KCNJ16: variants seen among roughly 807,000 people sequenced by gnomAD.
The protein encoded by KCNJ16 is potassium inwardly rectifying channel subfamily J member 16, also known as inward rectifier potassium channel 16.
A neutral mutation model predicts 18.5 loss-of-function variants in KCNJ16; 15 were observed. The observed-to-expected ratio is 0.81, with a 90% CI of 0.54 to 1.25. The LOEUF (loss-of-function observed/expected upper bound fraction) is 1.25, where lower values mean the gene tolerates loss of function less well. Ranked by LOEUF, KCNJ16 falls within the 50% of genes most tolerant of loss-of-function variation. KCNJ16 has a pLI of 0.00. For missense variants in KCNJ16, 523 were observed against 525.7 expected, an observed-to-expected ratio of 0.99 and a Z score of 0.05; for synonymous variants, 174 against 186.5, an observed-to-expected ratio of 0.93 and a Z score of 0.55.
intron 2 of KCNJ16, among the ~76,000 whole-genome samples, chr17:70,111,665 A>G (rs1598148559): frequency 6.6e-6 from 1 of 152,094 alleles, no homozygotes; most frequent in African/African-American, 2.4e-5. Flanking sequence ...TGTAGCTCCC[A>G]TAATTCCCAT....
At position 70,130,969 on chromosome 17, in the gene KCNJ16, A is replaced by C. The variant is rs558401941; in HGVS notation, c.-100A>C. The C allele has an allele frequency of 6.5e-7, 1 of 1,535,414 alleles. No individual in the cohort carries two copies. Among genetic ancestry groups the C allele is most frequent in the Non-Finnish European group, 8.7e-7 (1 of 1,146,304 alleles). ...TTTGGCCTATTATACCATGGATGCT[A>C]AAAATGGTAAGAGCTGCATGTTCTG... On this transcript the variant is annotated 5_prime_UTR_variant, in exon 3 of 4. Transcript: ENST00000392671.
At chr17:70,126,042 T>G (rs2073844180) in intron 2 of KCNJ16, among the ~76,000 whole-genome samples, 1 of 152,016 alleles carries the variant, frequency 6.6e-6, no homozygotes, top group African/African-American at 2.4e-5. Flanking sequence ...CCACCTTGGG[T>G]GCAATGCTTT....
Position 70,118,682 on chromosome 17 carries a change from G to A in KCNJ16, c.-190-12197G>A, listed in dbSNP as rs372531754. ...ATAAAAACTCACAATCGTAAAGACA[G>A]CACCAAGCCATGAGAGATGCGCCCC... On this transcript the variant is annotated intron_variant, in intron 2 of 3. Coordinates refer to ENST00000392671, the MANE Select transcript of KCNJ16 (RefSeq NM_170741.4). 2.0e-5 allele frequency among the ~76,000 whole-genome samples: 3 copies of A among 152,138 alleles called. No individual in the cohort carries two copies. The East Asian group carries it at 5.8e-4, about 30-fold the overall frequency.
At chr17:70,128,545 T>C (rs969337409) in intron 2 of KCNJ16, 1 of 152,194 alleles carries the variant, frequency 6.6e-6, no homozygotes. Context: ...CTCTCTTCTC[T>C]AGCCTCATCT....
chr17:70,123,889 T>C (rs995107931), intron 2 of KCNJ16, among the ~76,000 whole-genome samples: 1 of 152,168 alleles, frequency 6.6e-6, no homozygotes, highest in Non-Finnish European at 1.5e-5. Context: ...ATAAATGAGT[T>C]GAAAGGCTGT....
At chr17:70,107,646 G>A (rs2143949406) in intron 2 of KCNJ16, among the ~76,000 whole-genome samples, 1 of 152,016 alleles carries the variant, frequency 6.6e-6, no homozygotes, top group Non-Finnish European at 1.5e-5. Flanking sequence ...GGGTCAGGAT[G>A]ATCTGTCCTG....
chr17:70,090,735 G>A (rs1245260819), intron 1 of KCNJ16, among the ~76,000 whole-genome samples: 2 of 136,330 alleles, frequency 1.5e-5, no homozygotes, highest in Non-Finnish European at 3.2e-5. Flanking sequence ...CTCACAATAT[G>A]GCTAACCCAC....
At chr17:70,091,907 G>C (rs6501366) in intron 1 of KCNJ16, among the ~76,000 whole-genome samples, 128,746 of 152,094 alleles carry the variant, frequency 0.85, 54,552 homozygotes, top group East Asian at 0.96. Context: ...CATGTCCTGT[G>C]ACAGCTTGGG....
chr17:70,092,609 AGAT>A (rs1268644802), intron 1 of KCNJ16, among the ~76,000 whole-genome samples: 4 of 150,334 alleles, frequency 2.7e-5, no homozygotes, highest in South Asian at 2.1e-4. Flanking sequence ...ATAGATAGAT[AGAT>A]GAGATTCATA....
At chr17:70,092,364 T>C (rs8077474) in intron 1 of KCNJ16, among the ~76,000 whole-genome samples, 126,789 of 152,042 alleles carry the variant, frequency 0.83, 53,025 homozygotes, top group East Asian at 0.95. Context: ...AACCTAAGAA[T>C]AGCATTTCTG....
intron 1 of KCNJ16, among the ~76,000 whole-genome samples, chr17:70,086,165 A>G (rs1446234452): frequency 6.6e-6 from 1 of 152,216 alleles, no homozygotes; most frequent in Non-Finnish European, 1.5e-5. Flanking sequence ...TGTTAGAAAT[A>G]CTGCTCTTGA....
intron 2 of KCNJ16, chr17:70,104,848 G>A (rs370048777): frequency 9.2e-5 from 14 of 152,762 alleles, no homozygotes; most frequent in African/African-American, 2.9e-4. Context: ...TCACTAGAGC[G>A]AAGCTGAGAA....
In KCNJ16 at chr17:70,132,635, G is replaced by A. The variant is rs772746245; in HGVS notation, c.548G>A (p.Arg183His). Residue 183 changes from arginine (R) to histidine (H), a missense_variant, in exon 4 of 4, where the codon CGT (arginine) becomes CAT (histidine). By Grantham distance (29) the Arg-to-His change is conservative. Coordinates refer to ENST00000392671, the MANE Select transcript of KCNJ16 (RefSeq NM_170741.4). ...ATARKRAQTI[R>H]FSYFALIGMR... Reference sequence around the variant, plus strand: ...GCTCGAAAGAGAGCCCAAACCATTCGTTTCAGCTACTTTGCACTTATAGGT... The same window carrying A: ...GCTCGAAAGAGAGCCCAAACCATTCATTTCAGCTACTTTGCACTTATAGGT... The A allele has an allele frequency of 5.6e-6, 9 of 1,614,164 alleles. No homozygotes were observed. In the East Asian group the frequency reaches 8.9e-5, roughly 16 times the overall value.
Position 70,132,738 on chromosome 17 carries a change from A to G in KCNJ16, c.651A>G (p.Arg217=), listed in dbSNP as rs1327884281. 6.2e-7 allele frequency: 1 copy of G among 1,614,090 alleles called. No homozygotes were observed. The change falls in exon 4 of 4, where the codon AGA becomes AGG. Residue 217 remains arginine (R), a synonymous_variant. Coordinates refer to ENST00000392671, the MANE Select transcript of KCNJ16 (RefSeq NM_170741.4). The stretch of plus-strand genomic sequence containing the variant: ...ACCACGTGGTAGAAGGAACAGTTAG[A>G]GCCCAACTTCTCCGCTATACAGAAG... ...RPNHVVEGTV[R]AQLLRYTEDS...
chr17:70,104,422 T>C (rs1253379481), intron 2 of KCNJ16, among the ~76,000 whole-genome samples: 1 of 152,218 alleles, frequency 6.6e-6, no homozygotes, highest in East Asian at 1.9e-4. Flanking sequence ...TCTGGGGGCA[T>C]ACGCTTCCTT....
At chr17:70,098,551 C>A (rs917908090) in intron 1 of KCNJ16, among the ~76,000 whole-genome samples, 10 of 150,316 alleles carry the variant, frequency 6.7e-5, no homozygotes, top group African/African-American at 2.2e-4. Context: ...AAAAAAAAAA[C>A]CTTTATGGCC....
At chr17:70,112,621 T>C (rs1404978915) in intron 2 of KCNJ16, among the ~76,000 whole-genome samples, 1 of 152,194 alleles carries the variant, frequency 6.6e-6, no homozygotes, top group African/African-American at 2.4e-5. Context: ...CTATCATTTA[T>C]GTGTACAAAA....
chr17:70,097,487 G>C (rs1334206059), intron 1 of KCNJ16, among the ~76,000 whole-genome samples: 2 of 152,148 alleles, frequency 1.3e-5, no homozygotes, highest in Non-Finnish European at 2.9e-5. Flanking sequence ...GGAGAAATAA[G>C]AGCTCCATCA....
chr17:70,132,738 AG>A lies in KCNJ16; in HGVS notation c.652del (p.Ala218ProfsTer14). The A allele has an allele frequency of 1.9e-6, 3 of 1,614,090 alleles. No homozygotes were observed. Among genetic ancestry groups the A allele is most frequent in the Non-Finnish European group, 2.5e-6 (3 of 1,180,046 alleles). On this transcript the variant is annotated frameshift_variant, in exon 4 of 4. Transcript: ENST00000392671. LOFTEE classifies it high-confidence loss of function. ...PNHVVEGTVRAQLLRYTEDSE... is the reference protein window; with the variant it reads ...PNHVVEGTVRXQLLRYTEDSE... Reference sequence around the variant, plus strand: ...ACCACGTGGTAGAAGGAACAGTTAGAGCCCAACTTCTCCGCTATACAGAAGA... The same window carrying A: ...ACCACGTGGTAGAAGGAACAGTTAGACCCAACTTCTCCGCTATACAGAAGA...
Sources: gnomAD v4.1 joint callset for allele counts (sites outside exome capture counted in the v4.1 genomes callset) on GRCh38, gnomAD v4.1.1 for gene constraint, MANE v1.5 for transcripts, NCBI Gene and HGNC (gene_info 2026-07-23, HGNC 2026-07-21) for gene names.